The following IL5 variants were observed in gnomAD, a reference collection of about 807,000 sequenced individuals.
The protein encoded by IL5 is interleukin-5.
In IL5, 12 loss-of-function variants were observed where a neutral mutation model predicts 16.3. That is an observed-to-expected ratio of 0.74 (90% CI 0.47 to 1.20). The LOEUF is 1.20. Among genes scored for constraint, IL5 ranks in the 50% most tolerant of loss-of-function variants. The pLI is 0.00. For missense variants in IL5, 159 were observed against 153.9 expected (o/e 1.03, Z -0.17); for synonymous variants, 54 against 56.6 (o/e 0.95, Z 0.21).
chr5:132,556,603 C>A, intron 1 of IL5: 1 of 1,012,482 alleles, frequency 9.9e-7, no homozygotes. Context: ...TATGTGATCA[C>A]TGGAAATTAC....
At chr5:132,544,438 T>C (rs1749752103), upstream of IL5, among the ~76,000 whole-genome samples, 1 of 152,140 alleles carries the variant, frequency 6.6e-6, no homozygotes, top group African/African-American at 2.4e-5. Context: ...GGGGTCCCAG[T>C]AGTAAGGGGG....
At chr5:132,544,369 G>T (rs1749751087), upstream of IL5, among the ~76,000 whole-genome samples, 1 of 152,164 alleles carries the variant, frequency 6.6e-6, no homozygotes, top group Non-Finnish European at 1.5e-5. Context: ...ATACTGATTG[G>T]CTCTCCCTGG....
intron 1 of IL5, among the ~76,000 whole-genome samples, chr5:132,549,893 A>G (rs1360195473): frequency 6.6e-6 from 1 of 152,238 alleles, no homozygotes; most frequent in Non-Finnish European, 1.5e-5. Context: ...TTTTTAATTG[A>G]ATAAATAACA....
rs112504338 is a variant in IL5 at position 132,549,464 on chromosome 5, C to T, written c.43-6338G>A. Among the ~76,000 whole-genome samples the T allele has an allele frequency of 2.2e-3, 328 of 152,148 alleles. 3 individuals carry two copies. The highest frequency in any genetic ancestry group is 7.0e-3 in the African/African-American group (289 of 41,518). On this transcript the variant is annotated intron_variant, in intron 1 of 2. Coordinates refer to the IL5 transcript ENST00000450655. ...AAGCTTTAAAGTTCAGCTACAGAGACGGAGGCAATGTGAACTACCATTTAG... is the reference window on the plus strand; with the variant it reads ...AAGCTTTAAAGTTCAGCTACAGAGATGGAGGCAATGTGAACTACCATTTAG...
chr5:132,555,726 A>G (rs1749970301), intron 1 of IL5, among the ~76,000 whole-genome samples: 1 of 152,192 alleles, frequency 6.6e-6, no homozygotes, highest in Admixed American at 6.5e-5. Context: ...CGTGTTAGCC[A>G]GGATGGTCTT....
chr5:132,541,808 G>A lies in IL5; in HGVS notation c.*3C>T. On this transcript the variant is annotated 3_prime_UTR_variant, in exon 4 of 4. Coordinates refer to ENST00000231454, the MANE Select transcript of IL5 (RefSeq NM_000879.3). ...TCTTTGGCTGCAACAAACCAGTTTA[G>A]TCTCAACTTTCTATTATCCACTCGG... is the stretch of plus-strand genomic sequence containing the variant. The A allele has an allele frequency of 1.2e-6, 2 of 1,600,062 alleles. 1 individual carries two copies.
intron 1 of IL5, among the ~76,000 whole-genome samples, chr5:132,550,776 A>G (rs1561623768): frequency 6.6e-6 from 1 of 152,320 alleles, no homozygotes; most frequent in East Asian, 1.9e-4. Context: ...GCTAATGGAG[A>G]GCGAATGAAC....
At chr5:132,550,143 C>G (rs1020698309) in intron 1 of IL5, among the ~76,000 whole-genome samples, 3 of 152,102 alleles carry the variant, frequency 2.0e-5, no homozygotes, top group Non-Finnish European at 2.9e-5. Context: ...ATCACCATTT[C>G]CCAACTTTTA....
chr5:132,541,824 A>G lies in IL5; in HGVS notation c.392T>C (p.Ile131Thr). 6.2e-7 allele frequency: 1 copy of G among 1,610,966 alleles called. No homozygotes were observed. Among genetic ancestry groups the G allele is most frequent in the Non-Finnish European group, 8.5e-7 (1 of 1,177,552 alleles). The stretch of plus-strand genomic sequence containing the variant: ...ACCAGTTTAGTCTCAACTTTCTATT[A>G]TCCACTCGGTGTTCATTACACCAAG... ...EFLGVMNTEW[I>T]IES The change falls in exon 4 of 4, where the codon ATA becomes ACA. Residue 131 changes from isoleucine (I) to threonine (T), a missense_variant. Coordinates refer to ENST00000231454, the MANE Select transcript of IL5 (RefSeq NM_000879.3).
At chr5:132,550,778 C>T (rs1435710418) in intron 1 of IL5, among the ~76,000 whole-genome samples, 2 of 151,936 alleles carry the variant, frequency 1.3e-5, no homozygotes, top group Non-Finnish European at 2.9e-5. Context: ...TAATGGAGAG[C>T]GAATGAACCC....
intron 1 of IL5, among the ~76,000 whole-genome samples, chr5:132,552,963 T>C (rs1749907929): frequency 6.6e-6 from 1 of 152,166 alleles, no homozygotes; most frequent in African/African-American, 2.4e-5. Context: ...CTCAATCTCC[T>C]GGCCTCATGA....
chr5:132,548,421 G>A (rs1169075968), upstream of IL5, among the ~76,000 whole-genome samples: 9 of 152,152 alleles, frequency 5.9e-5, no homozygotes. Context: ...GAACAAGCAG[G>A]CACTTACAAC....
upstream of IL5, among the ~76,000 whole-genome samples, chr5:132,545,938 A>C (rs576405028): frequency 8.5e-5 from 13 of 152,056 alleles, no homozygotes; most frequent in African/African-American, 2.9e-4. Context: ...AACAAACAAA[A>C]AAACAAAAAG....
upstream of IL5, among the ~76,000 whole-genome samples, chr5:132,544,446 G>C (rs1272903078): frequency 2.0e-5 from 3 of 152,120 alleles, no homozygotes; most frequent in East Asian, 5.8e-4. Context: ...AGTAGTAAGG[G>C]GGACACAGAT....
At chr5:132,546,664 A>G (rs1379879785), upstream of IL5, among the ~76,000 whole-genome samples, 4 of 152,074 alleles carry the variant, frequency 2.6e-5, no homozygotes, top group Admixed American at 6.6e-5. Flanking sequence ...CTTTTCCTCT[A>G]TAAGTGTGAT....
chr5:132,551,555 T>C (rs906904390), intron 1 of IL5, among the ~76,000 whole-genome samples: 2 of 138,720 alleles, frequency 1.4e-5, no homozygotes, highest in Non-Finnish European at 2.9e-5. Context: ...TGTGTGTGCG[T>C]GCATGCATGT....
chr5:132,543,178 C>T (rs1257002295), intron 1 of IL5, 52 bp from the exon 2 acceptor site: 1 of 1,543,554 alleles, frequency 6.5e-7, no homozygotes, highest in Non-Finnish European at 8.9e-7. Context: ...GCATTCATAA[C>T]TTTTAACAGA....
intron 1 of IL5, among the ~76,000 whole-genome samples, chr5:132,550,752 G>A (rs1749871194): frequency 6.6e-6 from 1 of 152,172 alleles, no homozygotes; most frequent in African/African-American, 2.4e-5. Flanking sequence ...TTAGCACCAG[G>A]CTTTAAAGGT....
upstream of IL5, among the ~76,000 whole-genome samples, chr5:132,544,550 A>T (rs1461723909): frequency 6.6e-6 from 1 of 152,170 alleles, no homozygotes; most frequent in Non-Finnish European, 1.5e-5. Flanking sequence ...GTGTCCTTTC[A>T]CACCTTGGGC....
Sources: allele counts gnomAD v4.1 joint callset (sites outside exome capture counted in the v4.1 genomes callset), GRCh38; gene constraint gnomAD v4.1.1; transcripts MANE v1.5; gene names NCBI Gene and HGNC (gene_info 2026-07-23, HGNC 2026-07-21).